Variants in ARHGEF16 observed in about 807,000 individuals in gnomAD.
The protein encoded by ARHGEF16 is Rho guanine exchange factor (GEF) 16.
In ARHGEF16, 59 loss-of-function variants were observed where a neutral mutation model predicts 74.1. The ratio of observed to expected loss-of-function variants is 0.80; its 90% confidence interval spans 0.65 to 0.99. ARHGEF16 has a LOEUF of 0.99. Ranked by LOEUF, ARHGEF16 falls within the 50% of genes least tolerant of loss-of-function variation. ARHGEF16 has a pLI of 0.00. For synonymous variants in ARHGEF16, 415 were observed against 412.6 expected (o/e 1.01, Z -0.07); for missense variants, 948 against 986.6 (o/e 0.96, Z 0.52).
intron 10 of ARHGEF16, among the ~76,000 whole-genome samples, chr1:3,477,657 G>A (rs1639924455): frequency 4.2e-5 from 1 of 23,770 alleles, no homozygotes; most frequent in Non-Finnish European, 1.4e-4. Context: ...GCAGGGTCTG[G>A]TCCGGCCTGG....
chr1:3,469,613 TTCCACACAGGG>T lies in ARHGEF16; in HGVS notation c.1022+24_1022+34del. 6 of 1,612,046 alleles carry T rather than the reference TTCCACACAGGG, an allele frequency of 3.7e-6. No individual in the cohort carries two copies. Among genetic ancestry groups the T allele is most frequent in the Non-Finnish European group, 5.1e-6 (6 of 1,179,672 alleles). ...TCAGAGGTGAGGCCACGCCACAGCC[TTCCACACAGGG>T]TCCTCTGCCAGGAAGGTGCCTCCCC... On this transcript the variant is annotated intron_variant, in intron 6 of 14. Transcript: ENST00000378378.
chr1:3,478,933 G>C (rs975857869), intron 12 of ARHGEF16, among the ~76,000 whole-genome samples: 6 of 152,034 alleles, frequency 3.9e-5, no homozygotes, highest in African/African-American at 1.2e-4. Flanking sequence ...GGTGGGGCCG[G>C]AGTGTGGGGT....
In ARHGEF16 at chr1:3,480,683, C is replaced by T. The variant is rs753257337; in HGVS notation, c.*96C>T. On this transcript the variant is annotated 3_prime_UTR_variant, in exon 15 of 15. Transcript: ENST00000378378. ...AGCGTGGGGAGCTGGTCTCAAGGAC[C>T]CAGCATGGTTCCCTGGGGCTTCCCA... is the stretch of plus-strand genomic sequence containing the variant. 1.7e-5 allele frequency: 25 copies of T among 1,474,848 alleles called. No homozygotes were observed. The highest frequency in any genetic ancestry group is 2.2e-5 in the Non-Finnish European group (24 of 1,102,612). The allele number at this position is 1,474,848 out of a possible 1,614,324, so 91.4% of individuals were successfully genotyped here.
At position 3,469,557 on chromosome 1, in the gene ARHGEF16, TCTC is replaced by T. The variant is rs758976105; in HGVS notation, c.988_990del (p.Ser330del). ...ACCCAGATGGAGCACCACCACCTCT[TCTC>T]CAACATCCTGGATGTCCTGGGTGCC... On this transcript the variant is annotated inframe_deletion, in exon 6 of 15. Transcript: ENST00000378378. 1 of 1,612,948 alleles carries T rather than the reference TCTC, an allele frequency of 6.2e-7. No individual in the cohort carries two copies. Among genetic ancestry groups the T allele is most frequent in the South Asian group, 1.1e-5 (1 of 91,076 alleles).
At chr1:3,459,410 C>T (rs1210368224) in intron 1 of ARHGEF16, among the ~76,000 whole-genome samples, 1 of 151,144 alleles carries the variant, frequency 6.6e-6, no homozygotes, top group African/African-American at 2.5e-5. Flanking sequence ...ATGCTCATCT[C>T]CTCACCAGTC....
chr1:3,456,929 G>T (rs1008378035), intron 1 of ARHGEF16, among the ~76,000 whole-genome samples: 2 of 152,232 alleles, frequency 1.3e-5, no homozygotes, highest in African/African-American at 2.4e-5. Flanking sequence ...CCCCCACCGC[G>T]CAGGGTGGCT....
chr1:3,462,442 C>A (rs1385659117), intron 1 of ARHGEF16, among the ~76,000 whole-genome samples: 2 of 152,218 alleles, frequency 1.3e-5, no homozygotes, highest in Non-Finnish European at 2.9e-5. Flanking sequence ...AGCATGTGGG[C>A]AAATGCACCT....
rs769616148 is a variant in ARHGEF16, at chr1:3,480,623, C to T, written c.*36C>T. 9 of 1,595,022 alleles carry T rather than the reference C, an allele frequency of 5.6e-6. No individual in the cohort carries two copies. The East Asian group carries it at 1.6e-4, about 28-fold the overall frequency. ...GCCAGCCGGCGGCAGCACAGCCTGT[C>T]TCCAATCAGCAAGTGGTCGTGCCTG... On this transcript the variant is annotated 3_prime_UTR_variant, in exon 15 of 15. Transcript: ENST00000378378.
At chr1:3,463,002 G>A (rs1639438998) in intron 1 of ARHGEF16, 64 bp from the exon 2 acceptor site, 1 of 1,193,730 alleles carries the variant, frequency 8.4e-7, no homozygotes, top group East Asian at 2.6e-5. Context: ...GGGGTAGGGG[G>A]GTGGACACCC....
intron 6 of ARHGEF16, among the ~76,000 whole-genome samples, chr1:3,472,448 C>A (rs1330077872): frequency 6.6e-6 from 1 of 152,226 alleles, no homozygotes; most frequent in East Asian, 1.9e-4. Flanking sequence ...TGGCCCCCCC[C>A]CGGCCTTGAC....
intron 6 of ARHGEF16, 175 bp from the exon 7 acceptor site, chr1:3,472,903 T>A: frequency 4.7e-6 from 1 of 214,278 alleles, no homozygotes. Context: ...CTGTCCAGCA[T>A]CCCAGGTCCG....
Position 3,473,449 on chromosome 1 carries a change from G to T in ARHGEF16, c.1232G>T (p.Cys411Phe). 1 of 1,612,578 alleles carries T rather than the reference G, an allele frequency of 6.2e-7. No homozygotes were observed. Among genetic ancestry groups the T allele is most frequent in the Non-Finnish European group, 8.5e-7 (1 of 1,179,972 alleles). The change falls in exon 8 of 15, where the codon TGC becomes TTC. Residue 411 changes from cysteine (C) to phenylalanine (F), a missense_variant. Coordinates refer to ENST00000378378, the MANE Select transcript of ARHGEF16 (RefSeq NM_014448.4). ...AGAGAGATTGAGAGGCGGCCGGCGT[G>T]CGGGGGCCTGCCCATGCTCTCCTTC... ...ALREIERRPACGGLPMLSFLI... is the reference protein window; with the variant it reads ...ALREIERRPAFGGLPMLSFLI...
At chr1:3,478,938 T>G (rs1029062660) in intron 12 of ARHGEF16, among the ~76,000 whole-genome samples, 1 of 151,516 alleles carries the variant, frequency 6.6e-6, no homozygotes, top group Admixed American at 6.6e-5. Flanking sequence ...GGCCGGAGTG[T>G]GGGGTTGCTC....
intron 6 of ARHGEF16, among the ~76,000 whole-genome samples, chr1:3,470,293 T>C (rs936539795): frequency 6.7e-6 from 1 of 149,510 alleles, no homozygotes; most frequent in Non-Finnish European, 1.5e-5. Flanking sequence ...TGTGTATGCA[T>C]GGGCAGGGGT....
intron 1 of ARHGEF16, among the ~76,000 whole-genome samples, chr1:3,457,430 TGGG>T (rs1172395296): frequency 6.6e-6 from 1 of 152,068 alleles, no homozygotes; most frequent in African/African-American, 2.4e-5. Flanking sequence ...GCAGCAAACT[TGGG>T]GCAATTGGGT....
chr1:3,469,718 G>T, intron 6 of ARHGEF16, 125 bp downstream of exon 6: 2 of 1,336,970 alleles, frequency 1.5e-6, no homozygotes, highest in Non-Finnish European at 1.0e-6. Flanking sequence ...GGATGGTTTA[G>T]AGCAGCTGCT....
intron 12 of ARHGEF16, 26 bp from the exon 13 acceptor site, chr1:3,479,491 T>C: frequency 6.2e-7 from 1 of 1,611,558 alleles, no homozygotes; most frequent in South Asian, 1.1e-5. Flanking sequence ...TCTCCAGGCC[T>C]GGCTCATGCT....
In ARHGEF16 at chr1:3,478,574, G is replaced by T; in HGVS notation, c.1776G>T (p.Glu592Asp). ...PFQVTLLRNS[E>D]GRQEQLLLSS... Reference sequence around the variant, plus strand: ...AGGTGACCCTGCTTCGCAACAGCGAGGGCCGCCAGGAGCAGCTCCTGCTCT... The same window carrying T: ...AGGTGACCCTGCTTCGCAACAGCGATGGCCGCCAGGAGCAGCTCCTGCTCT... Residue 592 changes from glutamate (E) to aspartate (D), a missense_variant, in exon 12 of 15, where the codon GAG becomes GAT. Coordinates refer to ENST00000378378, the MANE Select transcript of ARHGEF16 (RefSeq NM_014448.4). The T allele has an allele frequency of 6.2e-7, 1 of 1,612,356 alleles. No homozygotes were observed. The highest frequency in any genetic ancestry group is 1.1e-5 in the South Asian group (1 of 91,024).
At chr1:3,464,350 C>A (rs559971707) in intron 2 of ARHGEF16, among the ~76,000 whole-genome samples, 2 of 152,328 alleles carry the variant, frequency 1.3e-5, no homozygotes, top group South Asian at 4.1e-4. Context: ...GGGGGCCAGG[C>A]CTTCATTTCA....
Sources: gnomAD v4.1 joint callset for allele counts (sites outside exome capture counted in the v4.1 genomes callset) on GRCh38, gnomAD v4.1.1 for gene constraint, MANE v1.5 for transcripts, NCBI Gene and HGNC (gene_info 2026-07-23, HGNC 2026-07-21) for gene names.